The following CD226 variants were observed in gnomAD, a reference collection of about 807,000 sequenced individuals.
CD226 encodes the protein CD226 antigen.
A neutral mutation model predicts 34.9 loss-of-function variants in CD226; 24 were observed. The observed-to-expected ratio is 0.69, with a 90% confidence interval of 0.50 to 0.97. The LOEUF (loss-of-function observed/expected upper bound fraction) is 0.97, where lower values mean the gene tolerates loss of function less well. Among genes scored for constraint, CD226 ranks in the 50% least tolerant of loss-of-function variants. The pLI, the probability that CD226 is intolerant of heterozygous loss-of-function variation, is 0.00. For missense variants in CD226, 397 were observed against 412.7 expected (o/e 0.96, Z 0.33); for synonymous variants, 148 against 147.4 (o/e 1.00, Z -0.03).
intron 2 of CD226, among the ~76,000 whole-genome samples, chr18:69,909,625 G>A (rs979223493): frequency 5.9e-5 from 9 of 152,198 alleles, no homozygotes; most frequent in East Asian, 5.8e-4. Flanking sequence ...TCATCACATC[G>A]ATTCAGAAAA....
chr18:69,936,214 G>T (rs192897638), intron 2 of CD226, among the ~76,000 whole-genome samples: 38 of 109,158 alleles, frequency 3.5e-4, no homozygotes, highest in African/African-American at 9.1e-4. Context: ...GCTTTAGAGA[G>T]TTTTTAAACT....
At position 69,856,713 on chromosome 18, in the gene CD226, C is replaced by T. The variant is rs1416277607; in HGVS notation, c.*7601G>A. 1 of 151,778 alleles carries T rather than the reference C, an allele frequency of 6.6e-6. No homozygotes were observed. Among genetic ancestry groups the T allele is most frequent in the Non-Finnish European group, 1.5e-5 (1 of 67,954 alleles). The allele number at this position is 151,778 out of a possible 1,614,324, so 9.4% of individuals were successfully genotyped here. ...AACACATTGTAAATAATTCATGGCT[C>T]AAAGAAGAAATATCAAAAGAAATTT... is the stretch of plus-strand genomic sequence containing the variant. On this transcript the variant is annotated 3_prime_UTR_variant, in exon 6 of 6. Transcript: ENST00000582621.
chr18:69,864,432 T>A lies in CD226; in HGVS notation c.893A>T (p.Asn298Ile). ...GGTAGAGATGGGACTTCTATAGTTA[T>A]TGGGTGCCTAGAAAGACAAACAGCA... is the stretch of plus-strand genomic sequence containing the variant. ...TESWDTQKAP[N>I]NYRSPISTSQ... The change falls in exon 6 of 6, where the codon AAT (asparagine) becomes ATT (isoleucine). Residue 298 changes from asparagine (N) to isoleucine (I), a missense_variant. By Grantham distance (149) the Asn-to-Ile change is moderately radical. Transcript: ENST00000582621. 6.2e-7 allele frequency: 1 copy of A among 1,613,068 alleles called. No individual in the cohort carries two copies.
intron 3 of CD226, among the ~76,000 whole-genome samples, chr18:69,879,639 C>A (rs1984093903): frequency 6.6e-6 from 1 of 152,204 alleles, no homozygotes; most frequent in Non-Finnish European, 1.5e-5. Context: ...GCAGTTAACA[C>A]AACCATCACA....
intron 4 of CD226, among the ~76,000 whole-genome samples, chr18:69,867,964 C>T (rs1026880218): frequency 6.6e-6 from 1 of 152,146 alleles, no homozygotes. Flanking sequence ...ATCACATGAT[C>T]GGTTGGTGTA....
chr18:69,911,180 T>A (rs1410653471), intron 2 of CD226, among the ~76,000 whole-genome samples: 1 of 152,190 alleles, frequency 6.6e-6, no homozygotes, highest in East Asian at 1.9e-4. Context: ...CACATGTGAG[T>A]TAATCTTATT....
At chr18:69,883,993 T>C (rs1984415130) in intron 3 of CD226, among the ~76,000 whole-genome samples, 1 of 152,242 alleles carries the variant, frequency 6.6e-6, no homozygotes. Context: ...GACTGGCTGA[T>C]GTCCCTGAAG....
chr18:69,920,851 TA>T (rs2055442663), intron 2 of CD226, among the ~76,000 whole-genome samples: 1 of 152,178 alleles, frequency 6.6e-6, no homozygotes, highest in African/African-American at 2.4e-5. Flanking sequence ...AAAACTTACG[TA>T]CCCAAATAGT....
At chr18:69,910,866 G>A (rs905790081) in intron 2 of CD226, among the ~76,000 whole-genome samples, 1 of 152,108 alleles carries the variant, frequency 6.6e-6, no homozygotes, top group Admixed American at 6.6e-5. Context: ...GTCTATAAAA[G>A]AAAAGAAACA....
chr18:69,869,354 G>A (rs1459659834), intron 4 of CD226, among the ~76,000 whole-genome samples: 1 of 152,148 alleles, frequency 6.6e-6, no homozygotes, highest in African/African-American at 2.4e-5. Flanking sequence ...TCCTTTGCAG[G>A]GACACGGATA....
intron 2 of CD226, among the ~76,000 whole-genome samples, chr18:69,900,194 A>G (rs1160093398): frequency 6.6e-6 from 1 of 152,200 alleles, no homozygotes; most frequent in Non-Finnish European, 1.5e-5. Context: ...AAAACCAAAT[A>G]CCACATGTTC....
At chr18:69,896,173 T>C in intron 2 of CD226, 128 bp from the exon 3 acceptor site, 2 of 1,407,476 alleles carry the variant, frequency 1.4e-6, no homozygotes, top group Non-Finnish European at 1.8e-6. Context: ...AATGACCTCT[T>C]TATACTACTT....
intron 2 of CD226, 135 bp from the exon 3 acceptor site, chr18:69,896,180 A>C (rs75742389): frequency 0.012 from 16,483 of 1,322,820 alleles, 128 homozygotes; most frequent in Admixed American, 0.079. Context: ...TCTTTATACT[A>C]CTTTTTTTTT....
chr18:69,902,726 C>G (rs1188088203), intron 2 of CD226, among the ~76,000 whole-genome samples: 2 of 151,862 alleles, frequency 1.3e-5, no homozygotes, highest in African/African-American at 4.8e-5. Flanking sequence ...CCCAGGGTTT[C>G]TAAAGCACGA....
At chr18:69,939,858 C>G (rs954738257) in intron 2 of CD226, among the ~76,000 whole-genome samples, 1 of 152,194 alleles carries the variant, frequency 6.6e-6, no homozygotes, top group African/African-American at 2.4e-5. Flanking sequence ...CTGGGCTTCA[C>G]CTGTACCATC....
chr18:69,933,282 T>C (rs2055610852), intron 2 of CD226, among the ~76,000 whole-genome samples: 1 of 152,156 alleles, frequency 6.6e-6, no homozygotes, highest in Non-Finnish European at 1.5e-5. Context: ...AAGTCCAAAA[T>C]CTGGACCTTC....
chr18:69,900,648 C>T (rs1445377436), intron 2 of CD226, among the ~76,000 whole-genome samples: 7 of 147,866 alleles, frequency 4.7e-5, no homozygotes, highest in South Asian at 2.1e-4. Context: ...AGGAGAATGG[C>T]GTGAACCCGG....
Position 69,863,929 on chromosome 18 carries a change from G to T in CD226, c.*385C>A, listed in dbSNP as rs1415258263. The T allele has an allele frequency of 6.4e-6, 1 of 156,872 alleles. No individual in the cohort carries two copies. Among genetic ancestry groups the T allele is most frequent in the Non-Finnish European group, 1.4e-5 (1 of 71,372 alleles). 9.7% of individuals were successfully genotyped at this position (156,872 alleles called of 1,614,324 possible). A position where few individuals can be genotyped will look rare whatever the true frequency, so the allele number is the denominator to read the frequency against. ...GCCATCTTGCCAACACAAGAGGAAA[G>T]CCTGCATGAGAGTGAGGCCAAGACC... On this transcript the variant is annotated 3_prime_UTR_variant, in exon 6 of 6. Coordinates refer to ENST00000582621, the MANE Select transcript of CD226 (RefSeq NM_001303618.2).
rs970493287 is a variant in CD226 at position 69,861,750 on chromosome 18, G to C, written c.*2564C>G. The C allele has an allele frequency of 6.6e-6, 1 of 151,592 alleles. No individual in the cohort carries two copies. Among genetic ancestry groups the C allele is most frequent in the Non-Finnish European group, 1.5e-5 (1 of 67,820 alleles). 9.4% of individuals were successfully genotyped at this position (151,592 alleles called of 1,614,324 possible). A position where few individuals can be genotyped will look rare whatever the true frequency, so the allele number is the denominator to read the frequency against. On this transcript the variant is annotated 3_prime_UTR_variant, in exon 6 of 6. Coordinates refer to ENST00000582621, the MANE Select transcript of CD226 (RefSeq NM_001303618.2). Reference sequence around the variant, plus strand: ...AGTAGAGGGGGAGAAACATACACTAGGGAGAGTCCCAAAACTATCACGAAT... The same window carrying C: ...AGTAGAGGGGGAGAAACATACACTACGGAGAGTCCCAAAACTATCACGAAT...
Sources: allele counts gnomAD v4.1 joint callset (sites outside exome capture counted in the v4.1 genomes callset), GRCh38; gene constraint gnomAD v4.1.1; transcripts MANE v1.5; gene names NCBI Gene and HGNC (gene_info 2026-07-23, HGNC 2026-07-21).